ZNF763: variants seen among roughly 807,000 people sequenced by gnomAD.
The protein encoded by ZNF763 is DNA-binding protein.
In ZNF763, 33 loss-of-function variants were observed where a neutral mutation model predicts 38.0. The observed-to-expected ratio is 0.87, with a 90% CI of 0.66 to 1.16. ZNF763 has a LOEUF of 1.16. Ranked by LOEUF, ZNF763 falls within the 50% of genes most tolerant of loss-of-function variation. The pLI, the probability that ZNF763 is intolerant of heterozygous loss-of-function variation, is 0.00. For synonymous variants in ZNF763, 155 were observed against 160.1 expected (o/e 0.97, Z 0.24); for missense variants, 423 against 469.1 (o/e 0.90, Z 0.91).
At position 11,978,892 on chromosome 19, in the gene ZNF763, G is replaced by A. The variant is rs1409704466; in HGVS notation, c.968G>A (p.Ser323Asn). 1 of 1,614,044 alleles carries A rather than the reference G, an allele frequency of 6.2e-7. No homozygotes were observed. The highest frequency in any genetic ancestry group is 1.1e-5 in the South Asian group (1 of 91,072). ...ECSKCNKAFR[S>N]YRSYLRHKRS... ...AGCAAATGTAATAAAGCATTCCGTA[G>A]TTACAGATCCTATCTTAGACATAAA... is the stretch of plus-strand genomic sequence containing the variant. Residue 323 changes from serine to asparagine, a missense_variant, in exon 4 of 4, where the codon AGT becomes AAT. Physicochemically the swap from Ser to Asn is conservative, Grantham distance 46. Transcript: ENST00000358987.
intron 1 of ZNF763, among the ~76,000 whole-genome samples, chr19:11,970,154 C>T (rs1344355994): frequency 6.6e-6 from 1 of 152,244 alleles, no homozygotes; most frequent in Non-Finnish European, 1.5e-5. Flanking sequence ...ATTGGAGACA[C>T]ATGGCTGTTC....
chr19:11,970,094 A>G (rs1285295129), intron 1 of ZNF763, among the ~76,000 whole-genome samples: 1 of 152,094 alleles, frequency 6.6e-6, no homozygotes, highest in Non-Finnish European at 1.5e-5. Flanking sequence ...CATCTACATA[A>G]CCAATTCTTG....
chr19:11,970,746 A>G (rs1202983098), intron 1 of ZNF763, among the ~76,000 whole-genome samples: 4 of 152,156 alleles, frequency 2.6e-5, no homozygotes, highest in Non-Finnish European at 4.4e-5. Context: ...AGCCTGACCA[A>G]TATAGTGAAA....
intron 1 of ZNF763, 163 bp from the exon 2 acceptor site, chr19:11,976,875 C>T: frequency 6.7e-7 from 1 of 1,483,088 alleles, no homozygotes; most frequent in Admixed American, 2.6e-5. Context: ...ACAACAACAA[C>T]AAAAATGCTT....
chr19:11,976,992 G>C, intron 1 of ZNF763, 46 bp from the exon 2 acceptor site: 1 of 1,611,352 alleles, frequency 6.2e-7, no homozygotes, highest in South Asian at 1.1e-5. Context: ...GGCCCCCACT[G>C]CTGTCACTCT....
chr19:11,967,285 C>T (rs1008775926), intron 1 of ZNF763, among the ~76,000 whole-genome samples: 1 of 152,078 alleles, frequency 6.6e-6, no homozygotes, highest in African/African-American at 2.4e-5. Context: ...GCAGCCCAGC[C>T]GAGGACTCGC....
intron 1 of ZNF763, among the ~76,000 whole-genome samples, chr19:11,975,243 G>A (rs1475839542): frequency 6.6e-6 from 1 of 151,616 alleles, no homozygotes; most frequent in Non-Finnish European, 1.5e-5. Flanking sequence ...GAGATAAAAC[G>A]CATGTTTAGT....
rs569907378 is a variant in ZNF763, at chr19:11,979,719, A to G, written c.*610A>G. On this transcript the variant is annotated 3_prime_UTR_variant, in exon 4 of 4. Coordinates refer to ENST00000358987, the MANE Select transcript of ZNF763 (RefSeq NM_001367172.2). Reference sequence around the variant, plus strand: ...CCTGAAGAGAAGCCCTACGAGTGTAAGCAATGTGGGAAAGCCTTCAGATCT... The same window carrying G: ...CCTGAAGAGAAGCCCTACGAGTGTAGGCAATGTGGGAAAGCCTTCAGATCT... 14 of 1,600,018 alleles carry G rather than the reference A, an allele frequency of 8.7e-6. No individual in the cohort carries two copies. The East Asian group carries it at 2.9e-4, about 33-fold the overall frequency.
At chr19:11,968,852 C>A (rs1215034198) in intron 1 of ZNF763, among the ~76,000 whole-genome samples, 1 of 152,008 alleles carries the variant, frequency 6.6e-6, no homozygotes, top group African/African-American at 2.4e-5. Flanking sequence ...GACCCCATCT[C>A]AATTGTGAAA....
chr19:11,979,655 A>C lies in ZNF763; in HGVS notation c.*546A>C. ...GTGTAAGCAATGTGGGAAAGCCTTC[A>C]GATCTGCCTCAATCCTTCAAATGCA... On this transcript the variant is annotated 3_prime_UTR_variant, in exon 4 of 4. Transcript: ENST00000358987. The C allele has an allele frequency of 2.5e-6, 4 of 1,605,192 alleles. No individual in the cohort carries two copies. Among genetic ancestry groups the C allele is most frequent in the Non-Finnish European group, 3.4e-6 (4 of 1,173,606 alleles).
chr19:11,978,474 C>A lies in ZNF763; in HGVS notation c.550C>A (p.His184Asn). Residue 184 changes from histidine (H) to asparagine (N), a missense_variant, in exon 4 of 4, where the codon CAT becomes AAT. Transcript: ENST00000358987. Reference sequence around the variant, plus strand: ...AGAATGTGGAAAAACCTTTATTTCCCATTCAGGCATTCGAAGACGCATGGT... The same window carrying A: ...AGAATGTGGAAAAACCTTTATTTCCAATTCAGGCATTCGAAGACGCATGGT... ...CKECGKTFIS[H>N]SGIRRRMVMH... 1 of 1,614,184 alleles carries A rather than the reference C, an allele frequency of 6.2e-7. No individual in the cohort carries two copies.
At chr19:11,976,455 T>C (rs968939977) in intron 1 of ZNF763, among the ~76,000 whole-genome samples, 5 of 150,146 alleles carry the variant, frequency 3.3e-5, no homozygotes, top group African/African-American at 1.2e-4. Context: ...ACTCAGGAGG[T>C]TGAGTCATAA....
At chr19:11,974,126 TTTTCTTTC>T (rs369346711) in intron 1 of ZNF763, among the ~76,000 whole-genome samples, 1,500 of 54,898 alleles carry the variant, frequency 0.027, 41 homozygotes, top group African/African-American at 0.073. Flanking sequence ...TCTTTCTTTC[TTTTCTTTC>T]TTTCTTTCTT....
At chr19:11,977,314 T>C in intron 2 of ZNF763, 57 bp from the exon 3 acceptor site, 9 of 1,606,300 alleles carry the variant, frequency 5.6e-6, no homozygotes, top group Non-Finnish European at 7.6e-6. Context: ...TAGAATCTAA[T>C]AATTTTTTCA....
intron 1 of ZNF763, among the ~76,000 whole-genome samples, chr19:11,972,859 AAGC>A (rs2145333217): frequency 1.3e-5 from 2 of 152,226 alleles, no homozygotes; most frequent in South Asian, 4.1e-4. Flanking sequence ...AGGGAGGCTG[AAGC>A]AAGAGGACAG....
intron 1 of ZNF763, among the ~76,000 whole-genome samples, chr19:11,974,110 TTTCTTTCTTTC>T (rs1267352475): frequency 9.9e-6 from 1 of 100,962 alleles, no homozygotes; most frequent in Non-Finnish European, 2.0e-5. Flanking sequence ...TCTTTCTTTC[TTTCTTTCTTTC>T]TTTCTTTTCT....
intron 1 of ZNF763, among the ~76,000 whole-genome samples, chr19:11,975,184 C>T (rs568155397): frequency 6.6e-6 from 1 of 151,844 alleles, no homozygotes; most frequent in African/African-American, 2.4e-5. Flanking sequence ...CCACAACCTC[C>T]GCCTCCCGGG....
chr19:11,969,709 A>G (rs1280076469), intron 1 of ZNF763, among the ~76,000 whole-genome samples: 1 of 152,204 alleles, frequency 6.6e-6, no homozygotes, highest in African/African-American at 2.4e-5. Flanking sequence ...ACCACAGCCT[A>G]ACTCTTCAAG....
At chr19:11,974,621 G>T (rs10417749) in intron 1 of ZNF763, among the ~76,000 whole-genome samples, 9,746 of 141,850 alleles carry the variant, frequency 0.069, 480 homozygotes, top group African/African-American at 0.15. Flanking sequence ...GCGGGGGGGT[G>T]GGGTGTAATC....
Sources: allele counts gnomAD v4.1 joint callset (sites outside exome capture counted in the v4.1 genomes callset), GRCh38; gene constraint gnomAD v4.1.1; transcripts MANE v1.5; gene names NCBI Gene and HGNC (gene_info 2026-07-23, HGNC 2026-07-21).